Variants in TPD52 observed in about 807,000 individuals in gnomAD.
TPD52 encodes prostate and colon associated protein.
A neutral mutation model predicts 31.3 loss-of-function variants in TPD52; 17 were observed. The observed-to-expected ratio is 0.54, with a 90% CI of 0.37 to 0.82. The LOEUF is 0.82. Ranked by LOEUF, TPD52 falls within the 40% of genes least tolerant of loss-of-function variation. The probability of loss-of-function intolerance (pLI) is 0.00; values close to 1 mark genes in which losing one functional copy is unlikely to be tolerated. For synonymous variants in TPD52, 83 were observed against 89.6 expected (o/e 0.93, Z 0.42); for missense variants, 212 against 240.1 (o/e 0.88, Z 0.77).
chr8:80,147,867 C>T (rs998747266), intron 1 of TPD52, among the ~76,000 whole-genome samples: 1 of 151,978 alleles, frequency 6.6e-6, no homozygotes, highest in Non-Finnish European at 1.5e-5. Flanking sequence ...CCCCACACCC[C>T]CTGTACTTTA....
At chr8:80,144,742 G>C (rs1770196596) in intron 1 of TPD52, among the ~76,000 whole-genome samples, 1 of 152,192 alleles carries the variant, frequency 6.6e-6, no homozygotes, top group African/African-American at 2.4e-5. Context: ...GGGGCAGACA[G>C]GTGTTGGACT....
chr8:80,086,117 GTTTTTTT>G (rs1366202183), intron 1 of TPD52, among the ~76,000 whole-genome samples: 1 of 88,870 alleles, frequency 1.1e-5, no homozygotes, highest in Non-Finnish European at 2.1e-5. Context: ...TTTTTTTTTA[GTTTTTTT>G]TTTTTTTTTT....
chr8:80,127,509 A>G (rs1808699059), intron 1 of TPD52: 1 of 152,198 alleles, frequency 6.6e-6, no homozygotes, highest in Non-Finnish European at 1.5e-5. Context: ...CTGGCTATAG[A>G]GCTCTTGGTT....
intron 2 of TPD52, among the ~76,000 whole-genome samples, chr8:80,056,166 A>G (rs1811860286): frequency 6.6e-6 from 1 of 152,218 alleles, no homozygotes; most frequent in Admixed American, 6.5e-5. Flanking sequence ...TGGTATACAC[A>G]ATGGAATACA....
intron 1 of TPD52, among the ~76,000 whole-genome samples, chr8:80,148,333 T>TGA (rs1810347644): frequency 6.6e-6 from 1 of 151,492 alleles, no homozygotes; most frequent in African/African-American, 2.4e-5. Context: ...TGTGTGTGTG[T>TGA]GTGTGTGTGT....
intron 1 of TPD52, among the ~76,000 whole-genome samples, chr8:80,163,625 T>C (rs1811509313): frequency 6.6e-6 from 1 of 152,182 alleles, no homozygotes; most frequent in Non-Finnish European, 1.5e-5. Context: ...TATGTATTTT[T>C]TTACCATGAG....
chr8:80,055,573 C>T (rs1346372870), intron 2 of TPD52, among the ~76,000 whole-genome samples: 1 of 152,018 alleles, frequency 6.6e-6, no homozygotes. Flanking sequence ...GGACTAAATT[C>T]AAGGAAATCA....
intron 2 of TPD52, among the ~76,000 whole-genome samples, chr8:80,059,422 G>A (rs1812253510): frequency 6.7e-6 from 1 of 149,708 alleles, no homozygotes; most frequent in Non-Finnish European, 1.5e-5. Context: ...TACACCCAAA[G>A]CTAAGAGAAG....
At chr8:80,136,291 G>A (rs906578053) in intron 1 of TPD52, among the ~76,000 whole-genome samples, 1 of 151,068 alleles carries the variant, frequency 6.6e-6, no homozygotes, top group African/African-American at 2.4e-5. Context: ...TTGGGAAGCC[G>A]AGACGGGTGG....
At chr8:80,106,151 A>C (rs1807093878) in intron 1 of TPD52, among the ~76,000 whole-genome samples, 1 of 152,224 alleles carries the variant, frequency 6.6e-6, no homozygotes, top group South Asian at 2.1e-4. Flanking sequence ...TATGGGGTAC[A>C]TGAGATGTTT....
chr8:80,074,237 T>C (rs1814257285), intron 1 of TPD52, among the ~76,000 whole-genome samples: 1 of 152,204 alleles, frequency 6.6e-6, no homozygotes, highest in African/African-American at 2.4e-5. Context: ...AGAGGAAATA[T>C]GCATCCCCCT....
chr8:80,113,704 T>C (rs1474798862), intron 1 of TPD52, among the ~76,000 whole-genome samples: 3 of 152,166 alleles, frequency 2.0e-5, no homozygotes, highest in African/African-American at 4.8e-5. Flanking sequence ...CTCATTCATA[T>C]GTGGGAGCTA....
At chr8:80,096,547 A>T (rs1428250000) in intron 1 of TPD52, among the ~76,000 whole-genome samples, 1 of 152,198 alleles carries the variant, frequency 6.6e-6, no homozygotes, top group Non-Finnish European at 1.5e-5. Context: ...TATTAGTGCC[A>T]TTATTCCAGC....
chr8:80,042,665 G>T lies in TPD52; in HGVS notation c.459C>A (p.Asn153Lys), dbSNP rs1321127651. 2.5e-6 allele frequency: 4 copies of T among 1,610,920 alleles called. No individual in the cohort carries two copies. The East Asian group carries it at 8.9e-5, about 36-fold the overall frequency. Residue 153 changes from asparagine to lysine, a missense_variant, in exon 7 of 8, where the codon AAC (asparagine) becomes AAA (lysine). Transcript: ENST00000518937. Reference protein sequence around the residue: ...QHSISMPAMRNSPTFKSFEEK... With the variant: ...QHSISMPAMRKSPTFKSFEEK... ...CTTCAAATGATTTAAAAGTTGGGGA[G>T]TTTCTATGGAGAGAAAAGAAAAACA...
intron 1 of TPD52, among the ~76,000 whole-genome samples, chr8:80,133,078 C>T (rs1469303493): frequency 6.6e-6 from 1 of 152,142 alleles, no homozygotes; most frequent in African/African-American, 2.4e-5. Flanking sequence ...TCCAACACCT[C>T]TTAGCTGCAT....
intron 1 of TPD52, chr8:80,067,180 G>C (rs983605943): frequency 6.6e-6 from 1 of 152,140 alleles, no homozygotes; most frequent in Non-Finnish European, 1.5e-5. Context: ...GGCTATCAAG[G>C]AAAATAAATC....
At chr8:80,034,710 A>G (rs1293189403), downstream of TPD52, 1 of 152,204 alleles carries the variant, frequency 6.6e-6, no homozygotes, top group Non-Finnish European at 1.5e-5. Flanking sequence ...ACTTTAAAGC[A>G]TGCTGGAGAG....
At chr8:80,099,832 G>C (rs1037367428) in intron 1 of TPD52, among the ~76,000 whole-genome samples, 3 of 152,096 alleles carry the variant, frequency 2.0e-5, no homozygotes, top group African/African-American at 7.2e-5. Context: ...TTTTTAAAAT[G>C]AAACAGAAAC....
At chr8:80,063,478 G>A (rs1407732986) in intron 2 of TPD52, among the ~76,000 whole-genome samples, 1 of 152,174 alleles carries the variant, frequency 6.6e-6, no homozygotes, top group African/African-American at 2.4e-5. Context: ...GAAAGGGGTG[G>A]CAGCTGCACA....
Sources: allele counts gnomAD v4.1 joint callset (sites outside exome capture counted in the v4.1 genomes callset), GRCh38; gene constraint gnomAD v4.1.1; transcripts MANE v1.5; gene names NCBI Gene and HGNC (gene_info 2026-07-23, HGNC 2026-07-21).